The following DOP1A variants were observed in gnomAD, a reference collection of about 807,000 sequenced individuals.
DOP1A encodes the protein DOP1 leucine zipper like protein A.
Under a neutral mutation model 267.6 loss-of-function variants are expected in DOP1A, and 90 were observed. The observed-to-expected ratio is 0.34, with a 90% confidence interval of 0.28 to 0.40. The LOEUF is 0.40. Ranked by LOEUF, DOP1A falls within the 10% of genes least tolerant of loss-of-function variation. DOP1A has a pLI of 1.00. For synonymous variants in DOP1A, 932 were observed against 999.1 expected (o/e 0.93, Z 1.27); for missense variants, 2,437 against 2,900.4 (o/e 0.84, Z 3.67).
intron 21 of DOP1A, 36 bp downstream of exon 21, chr6:83,139,198 T>G: frequency 6.7e-7 from 1 of 1,483,746 alleles, no homozygotes; most frequent in Non-Finnish European, 9.3e-7. Context: ...GGTACTGACA[T>G]TTTTCACATA....
Position 83,137,279 on chromosome 6 carries a change from T to C in DOP1A, c.3237T>C (p.Leu1079=). Residue 1079 remains leucine (L), a synonymous_variant, in exon 21 of 39, where the codon CTT becomes CTC. Coordinates refer to ENST00000349129, the MANE Select transcript of DOP1A (RefSeq NM_015018.4). The part of the protein sequence containing the change: ...SLTVNPLSDR[L]SLLSTSSETI... Reference sequence around the variant, plus strand: ...CTGTGAATCCATTAAGTGACAGACTTTCCCTCCTAAGTACCAGCAGTGAGA... The same window carrying C: ...CTGTGAATCCATTAAGTGACAGACTCTCCCTCCTAAGTACCAGCAGTGAGA... 6.2e-7 allele frequency: 1 copy of C among 1,613,714 alleles called. No homozygotes were observed. Among genetic ancestry groups the C allele is most frequent in the Non-Finnish European group, 8.5e-7 (1 of 1,179,758 alleles).
intron 8 of DOP1A, 73 bp from the exon 9 acceptor site, chr6:83,119,675 C>A: frequency 8.1e-7 from 1 of 1,231,190 alleles, no homozygotes; most frequent in Non-Finnish European, 1.2e-6. Context: ...TGAGATTTTG[C>A]TGTTTTGGTA....
intron 1 of DOP1A, among the ~76,000 whole-genome samples, chr6:83,080,886 A>C (rs553428191): frequency 2.0e-5 from 3 of 152,326 alleles, no homozygotes; most frequent in African/African-American, 7.2e-5. Flanking sequence ...CATTCTTCAC[A>C]GAAATAGAAA....
intron 4 of DOP1A, among the ~76,000 whole-genome samples, chr6:83,108,500 A>C (rs12213255): frequency 0.094 from 14,334 of 152,198 alleles, 872 homozygotes; most frequent in East Asian, 0.16. Flanking sequence ...AAGATTTTTA[A>C]AGCTACTCAT....
At chr6:83,133,469 T>C (rs1363354505) in intron 18 of DOP1A, among the ~76,000 whole-genome samples, 2 of 152,110 alleles carry the variant, frequency 1.3e-5, no homozygotes, top group African/African-American at 4.8e-5. Context: ...ATTTAGAAAG[T>C]TGCCGTCTGG....
chr6:83,130,369 A>C lies in DOP1A; in HGVS notation c.2588A>C (p.Tyr863Ser). ...CCCCTCACTCAGGGCAATCTGAGGT[A>C]CATAGCTGAGAAGACTGAATTTTTC... ...RPPLTQGNLR[Y>S]IAEKTEFFKH... Residue 863 changes from tyrosine to serine, a missense_variant, in exon 17 of 39, where the codon TAC becomes TCC. Transcript: ENST00000349129. 6.2e-7 allele frequency: 1 copy of C among 1,613,824 alleles called. No homozygotes were observed. The highest frequency in any genetic ancestry group is 8.5e-7 in the Non-Finnish European group (1 of 1,179,872).
At chr6:83,164,727 T>C in intron 38 of DOP1A, 1 of 1,585,410 alleles carries the variant, frequency 6.3e-7, no homozygotes, top group South Asian at 1.2e-5. Flanking sequence ...CAGGTGAGGG[T>C]GGCTGTTTCA....
intron 15 of DOP1A, among the ~76,000 whole-genome samples, chr6:83,127,112 T>TAGGTTCAC (rs1219548175): frequency 6.6e-6 from 1 of 152,170 alleles, no homozygotes; most frequent in Non-Finnish European, 1.5e-5. Context: ...AGGCTGATCT[T>TAGGTTCAC]AGGTTCACAT....
In DOP1A at chr6:83,096,165, G is replaced by A. The variant is rs7769030; in HGVS notation, c.-146-566G>A. On this transcript the variant is annotated intron_variant, in intron 1 of 38. Transcript: ENST00000349129. ...CTCTATCACCCAGTCATATTTCATT[G>A]CAGCCTTGAACTCTTGGACTCAAGC... is the stretch of plus-strand genomic sequence containing the variant. 2.6e-3 allele frequency among the ~76,000 whole-genome samples: 399 copies of A among 151,978 alleles called. 2 individuals are homozygous for A. The highest frequency in any genetic ancestry group is 9.2e-3 in the African/African-American group (383 of 41,416).
intron 1 of DOP1A, among the ~76,000 whole-genome samples, chr6:83,084,895 T>C (rs753977246): frequency 2.0e-4 from 30 of 152,192 alleles, no homozygotes; most frequent in Middle Eastern, 6.8e-3. Flanking sequence ...CCAGCCTAAA[T>C]AGGATTTTTT....
At chr6:83,157,510 C>G (rs1298157357) in intron 35 of DOP1A, among the ~76,000 whole-genome samples, 192 bp downstream of exon 35, 1 of 152,172 alleles carries the variant, frequency 6.6e-6, no homozygotes, top group Non-Finnish European at 1.5e-5. Context: ...AATTTACAAA[C>G]ATGCAACATA....
chr6:83,072,142 T>C (rs1296797457), intron 1 of DOP1A, among the ~76,000 whole-genome samples: 1 of 152,226 alleles, frequency 6.6e-6, no homozygotes, highest in Non-Finnish European at 1.5e-5. Context: ...ATGAACATAC[T>C]GGAAAATAAA....
chr6:83,160,487 G>C (rs185291650), intron 37 of DOP1A, among the ~76,000 whole-genome samples: 1 of 152,318 alleles, frequency 6.6e-6, no homozygotes, highest in Admixed American at 6.5e-5. Flanking sequence ...AGCTGTGTTA[G>C]AGAACTTGGA....
chr6:83,103,205 A>T (rs924886864), intron 4 of DOP1A, among the ~76,000 whole-genome samples: 1 of 152,224 alleles, frequency 6.6e-6, no homozygotes, highest in Non-Finnish European at 1.5e-5. Context: ...ATGGAATTGG[A>T]GACCATTATT....
chr6:83,081,929 G>T (rs1229273684), intron 1 of DOP1A, among the ~76,000 whole-genome samples: 1 of 152,132 alleles, frequency 6.6e-6, no homozygotes, highest in East Asian at 1.9e-4. Context: ...ATGAAAAAAG[G>T]CTCAACGTCA....
Position 83,142,004 on chromosome 6 carries a change from G to C in DOP1A, c.5499G>C (p.Val1833=), listed in dbSNP as rs781720041. The C allele has an allele frequency of 2.5e-6, 4 of 1,612,786 alleles. No homozygotes were observed. The Admixed American group carries it at 6.7e-5, about 27-fold the overall frequency. Residue 1833 remains valine (V), a synonymous_variant, in exon 24 of 39, where the codon GTG becomes GTC. Coordinates refer to ENST00000349129, the MANE Select transcript of DOP1A (RefSeq NM_015018.4). The part of the protein sequence containing the change: ...GVHFMAAIAF[V]WNERRQNKTT... The stretch of plus-strand genomic sequence containing the variant: ...ACTTTATGGCTGCCATTGCATTTGT[G>C]TGGAATGAAAGAAGACAGAATAAAA...
chr6:83,125,361 A>ATTT, intron 14 of DOP1A, 139 bp from the exon 15 acceptor site: 10 of 1,017,890 alleles, frequency 9.8e-6, no homozygotes, highest in Non-Finnish European at 1.4e-5. Context: ...CAGTAATAAA[A>ATTT]TATACAGTGT....
chr6:83,085,816 A>ATGTTT (rs1562276451), intron 1 of DOP1A, among the ~76,000 whole-genome samples: 1 of 149,366 alleles, frequency 6.7e-6, no homozygotes, highest in Admixed American at 6.6e-5. Flanking sequence ...ATGTTATGTT[A>ATGTTT]TGTTATGTTA....
intron 3 of DOP1A, among the ~76,000 whole-genome samples, chr6:83,098,776 T>C (rs1397220351): frequency 6.6e-6 from 1 of 152,144 alleles, no homozygotes; most frequent in Non-Finnish European, 1.5e-5. Flanking sequence ...TGAGACTTCA[T>C]TGGATAGGCA....
Sources: gnomAD v4.1 joint callset for allele counts (sites outside exome capture counted in the v4.1 genomes callset) on GRCh38, gnomAD v4.1.1 for gene constraint, MANE v1.5 for transcripts, NCBI Gene and HGNC (gene_info 2026-07-23, HGNC 2026-07-21) for gene names.